Variants in PRKN observed in about 807,000 individuals in gnomAD.
The protein encoded by PRKN is parkin RBR E3 ubiquitin protein ligase, also known as E3 ubiquitin-protein ligase parkin.
A neutral mutation model predicts 59.5 loss-of-function variants in PRKN; 56 were observed. That is an observed-to-expected ratio of 0.94 (90% CI 0.76 to 1.18). The LOEUF is 1.18. Among genes scored for constraint, PRKN ranks in the 50% most tolerant of loss-of-function variants. PRKN has a pLI of 0.00. For missense variants in PRKN, 657 were observed against 596.4 expected, an observed-to-expected ratio of 1.10 and a Z score of -1.06; for synonymous variants, 250 against 222.1, an observed-to-expected ratio of 1.13 and a Z score of -1.12.
intron 3 of PRKN, among the ~76,000 whole-genome samples, chr6:162,251,627 C>T (rs1779440951): frequency 6.6e-6 from 1 of 152,132 alleles, no homozygotes; most frequent in South Asian, 2.1e-4. Flanking sequence ...AAGTCACAAT[C>T]CCATCACAAG....
Position 162,327,345 on chromosome 6 carries a change from T to C in PRKN, c.172-64580A>G, listed in dbSNP as rs143108489. 9.8e-5 allele frequency among the ~76,000 whole-genome samples: 15 copies of C among 152,336 alleles called. 1 individual carries two copies. The East Asian group carries it at 2.9e-3, about 29-fold the overall frequency. On this transcript the variant is annotated intron_variant, in intron 2 of 11. Coordinates refer to ENST00000366898, the MANE Select transcript of PRKN (RefSeq NM_004562.3). ...TTATGATGGAAAGTTTTGTTGTGTT[T>C]TATTTTTTATTTTTGTTTTTTGAAA... is the stretch of plus-strand genomic sequence containing the variant.
In PRKN at chr6:161,543,443, T is replaced by C. The variant is rs482299; in HGVS notation, c.1083+5411A>G. ...AAGAAGATGAACATGGTTAAGAGGA[T>C]TTGGAAAGGGTCCATGCAAGTGAGG... is the stretch of plus-strand genomic sequence containing the variant. On this transcript the variant is annotated intron_variant, in intron 9 of 11. Coordinates refer to ENST00000366898, the MANE Select transcript of PRKN (RefSeq NM_004562.3). 3.1e-3 allele frequency among the ~76,000 whole-genome samples: 472 copies of C among 152,256 alleles called. 9 individuals carry two copies. The East Asian group carries it at 0.055, about 18-fold the overall frequency.
intron 9 of PRKN, among the ~76,000 whole-genome samples, chr6:161,516,467 T>TA (rs376373455): frequency 3.5e-3 from 82 of 23,132 alleles, no homozygotes; most frequent in Non-Finnish European, 5.3e-3. Flanking sequence ...AGGCTCCTTC[T>TA]AAAAAAAAAA....
intron 6 of PRKN, among the ~76,000 whole-genome samples, chr6:161,832,453 G>T (rs547798082): frequency 6.6e-6 from 1 of 151,660 alleles, no homozygotes; most frequent in Non-Finnish European, 1.5e-5. Flanking sequence ...GTGAAACCTC[G>T]TCTCTAGTAA....
chr6:161,654,003 C>T (rs544167175), intron 7 of PRKN, among the ~76,000 whole-genome samples: 1 of 107,014 alleles, frequency 9.3e-6, no homozygotes, highest in South Asian at 2.4e-4. Context: ...GAATAAAATG[C>T]ATTTTTTTTT....
chr6:162,236,983 C>A (rs1325389121), intron 3 of PRKN, among the ~76,000 whole-genome samples: 2 of 152,076 alleles, frequency 1.3e-5, no homozygotes, highest in Non-Finnish European at 2.9e-5. Flanking sequence ...GAGATGCCTG[C>A]AGATCTTATG....
chr6:161,770,450 GCCTTTATT>G (rs1330658562), intron 7 of PRKN, among the ~76,000 whole-genome samples: 2 of 136,452 alleles, frequency 1.5e-5, no homozygotes, highest in African/African-American at 5.6e-5. Context: ...TGGCAATAGA[GCCTTTATT>G]TATTTATTTA....
At chr6:162,184,969 T>TGG (rs201276640) in intron 4 of PRKN, among the ~76,000 whole-genome samples, 1 of 151,872 alleles carries the variant, frequency 6.6e-6, no homozygotes, top group Non-Finnish European at 1.5e-5. Flanking sequence ...AAAATAAGGG[T>TGG]GGGGGGGTGC....
intron 2 of PRKN, among the ~76,000 whole-genome samples, chr6:162,295,983 G>T (rs189265221): frequency 2.0e-5 from 3 of 152,204 alleles, no homozygotes; most frequent in African/African-American, 7.2e-5. Context: ...AAAGAAACAT[G>T]AAATAAAAAG....
At chr6:161,860,000 C>G (rs1360647911) in intron 6 of PRKN, among the ~76,000 whole-genome samples, 1 of 152,080 alleles carries the variant, frequency 6.6e-6, no homozygotes, top group Non-Finnish European at 1.5e-5. Flanking sequence ...TGATAACAGT[C>G]GAAGCTAGTT....
chr6:161,732,476 T>C (rs13218133), intron 7 of PRKN, among the ~76,000 whole-genome samples: 6 of 143,062 alleles, frequency 4.2e-5, no homozygotes, highest in Non-Finnish European at 9.0e-5. Context: ...CTTCAGAGGT[T>C]TTTTTTTTTT....
rs1038118066 is a variant in PRKN, at chr6:161,440,297, T to C, written c.1084-53420A>G. Among the ~76,000 whole-genome samples the C allele has an allele frequency of 5.9e-5, 9 of 152,202 alleles. No individual in the cohort carries two copies. The highest frequency in any genetic ancestry group is 1.2e-4 in the Non-Finnish European group (8 of 68,034). ...TTCCCATTATGTCAGAAGTTCTCAGTTGACAATGTCTGGAGACATTTTTCA... is the reference window on the plus strand; with the variant it reads ...TTCCCATTATGTCAGAAGTTCTCAGCTGACAATGTCTGGAGACATTTTTCA... On this transcript the variant is annotated intron_variant, in intron 9 of 11. Transcript: ENST00000366898. The surrounding 1 kb of genome is among the most constrained non-coding windows in gnomAD (Gnocchi z 4.1).
At chr6:162,140,297 G>T (rs1328356196) in intron 4 of PRKN, among the ~76,000 whole-genome samples, 1 of 152,076 alleles carries the variant, frequency 6.6e-6, no homozygotes, top group Non-Finnish European at 1.5e-5. Flanking sequence ...AGAAAAAAAA[G>T]AAATTGAGAA....
intron 9 of PRKN, among the ~76,000 whole-genome samples, chr6:161,517,862 T>C (rs998777099): frequency 4.6e-5 from 7 of 151,246 alleles, no homozygotes; most frequent in Non-Finnish European, 1.0e-4. Context: ...TACTGTACTC[T>C]AGCTATGCAA....
intron 1 of PRKN, among the ~76,000 whole-genome samples, chr6:162,553,464 C>A (rs566707505): frequency 4.7e-5 from 7 of 149,384 alleles, no homozygotes; most frequent in Non-Finnish European, 1.0e-4. Context: ...CCTCAGGAAA[C>A]CGGGTACTGA....
chr6:161,567,815 C>T (rs1780713288), intron 8 of PRKN, among the ~76,000 whole-genome samples: 1 of 152,118 alleles, frequency 6.6e-6, no homozygotes, highest in Non-Finnish European at 1.5e-5. Flanking sequence ...AATATTGGTA[C>T]AAGTTTGAAG....
chr6:162,250,002 C>T lies in PRKN; in HGVS notation c.412+12523G>A, dbSNP rs551137609. ...CTCTACTAAAAATACAAAAGTTAGC[C>T]GGGCATGGTTGCAGGCGCCTGTACT... On this transcript the variant is annotated intron_variant, in intron 3 of 11. Transcript: ENST00000366898. 7.2e-5 allele frequency among the ~76,000 whole-genome samples: 11 copies of T among 151,940 alleles called. No individual in the cohort carries two copies. In the South Asian group the frequency reaches 1.0e-3, roughly 14 times the overall value.
intron 6 of PRKN, among the ~76,000 whole-genome samples, chr6:161,847,703 AAAG>A (rs1021904549): frequency 5.9e-5 from 9 of 152,162 alleles, no homozygotes; most frequent in Middle Eastern, 3.2e-3. Flanking sequence ...TAGAAAAGTT[AAAG>A]AAGATTTTCA....
intron 2 of PRKN, among the ~76,000 whole-genome samples, chr6:162,347,211 G>A (rs1014693437): frequency 1.8e-4 from 26 of 146,420 alleles, no homozygotes; most frequent in African/African-American, 6.3e-4. Flanking sequence ...ATCTTATGTT[G>A]GATGCTTAGT....
Sources: allele counts gnomAD v4.1 joint callset (sites outside exome capture counted in the v4.1 genomes callset), GRCh38; gene constraint gnomAD v4.1.1; non-coding constraint Gnocchi (gnomAD v3.1); transcripts MANE v1.5; gene names NCBI Gene and HGNC (gene_info 2026-07-23, HGNC 2026-07-21).